Variants in KLHL1 observed in about 807,000 individuals in gnomAD.
KLHL1 encodes kelch-like protein 1.
KLHL1 carries 47 observed loss-of-function variants against 77.7 expected under a neutral mutation model. The ratio of observed to expected loss-of-function variants is 0.60; its 90% CI spans 0.48 to 0.77. The LOEUF is 0.77. Ranked by LOEUF, KLHL1 falls within the 30% of genes least tolerant of loss-of-function variation. The pLI is 0.00. For missense variants in KLHL1, 925 were observed against 910.8 expected (o/e 1.02, Z -0.20); for synonymous variants, 360 against 325.2 (o/e 1.11, Z -1.15).
chr13:69,869,466 A>T (rs2138171152), intron 5 of KLHL1, among the ~76,000 whole-genome samples: 1 of 152,304 alleles, frequency 6.6e-6, no homozygotes, highest in African/African-American at 2.4e-5. Context: ...AATATTTATG[A>T]CCACATTCTA....
chr13:69,878,906 G>A (rs1205938537), intron 5 of KLHL1, among the ~76,000 whole-genome samples: 1 of 152,118 alleles, frequency 6.6e-6, no homozygotes, highest in Non-Finnish European at 1.5e-5. Context: ...ACACACCATG[G>A]AATACTATGC....
intron 4 of KLHL1, among the ~76,000 whole-genome samples, chr13:69,911,497 A>C (rs1008964301): frequency 6.6e-6 from 1 of 151,914 alleles, no homozygotes; most frequent in African/African-American, 2.4e-5. Context: ...CTCTTTACAA[A>C]TATTCAGTAC....
chr13:69,995,482 A>C (rs936106133), intron 1 of KLHL1, among the ~76,000 whole-genome samples: 1 of 152,124 alleles, frequency 6.6e-6, no homozygotes, highest in African/African-American at 2.4e-5. Flanking sequence ...AAGTTATTTT[A>C]TTTAAATTAG....
intron 5 of KLHL1, among the ~76,000 whole-genome samples, chr13:69,857,548 G>A (rs1879967933): frequency 6.6e-6 from 1 of 151,942 alleles, no homozygotes; most frequent in East Asian, 1.9e-4. Context: ...ATACTCACAA[G>A]AATATGTATT....
chr13:70,042,615 A>G (rs977331583), intron 1 of KLHL1, among the ~76,000 whole-genome samples: 12 of 152,338 alleles, frequency 7.9e-5, no homozygotes, highest in African/African-American at 2.6e-4. Flanking sequence ...AATTCATACA[A>G]TTATCAAGTA....
chr13:69,913,507 C>T (rs1882312081), intron 4 of KLHL1, among the ~76,000 whole-genome samples: 1 of 152,236 alleles, frequency 6.6e-6, no homozygotes, highest in Non-Finnish European at 1.5e-5. Flanking sequence ...CTGCCTGAAC[C>T]TGCTGCTTCC....
chr13:69,712,889 C>T (rs1281641730), intron 9 of KLHL1, among the ~76,000 whole-genome samples: 6 of 151,586 alleles, frequency 4.0e-5, no homozygotes, highest in Non-Finnish European at 4.4e-5. Flanking sequence ...AGATCTTGAG[C>T]ACCACAATCT....
At chr13:69,811,826 A>G (rs1346010515) in intron 6 of KLHL1, among the ~76,000 whole-genome samples, 1 of 152,078 alleles carries the variant, frequency 6.6e-6, no homozygotes, top group Non-Finnish European at 1.5e-5. Context: ...GCAGTCCATC[A>G]GTTTTGTTGA....
rs1190940207 is a variant in KLHL1, at chr13:70,107,338, T to C, written c.362A>G (p.Tyr121Cys). The stretch of plus-strand genomic sequence containing the variant: ...CACCTCCTCCTCTAGTGACTCCACG[T>C]AGAAGAGAGTCCTGGCTGGCTGCTG... ...GTQQPARTLF[Y>C]VESLEEEVVP... is the part of the protein sequence containing the mutation. The change falls in exon 1 of 11, where the codon TAC (tyrosine) becomes TGC (cysteine). Residue 121 changes from tyrosine to cysteine, a missense_variant. Tyr to Cys is a radical substitution (Grantham distance 194, BLOSUM62 -2). Transcript: ENST00000377844. The C allele has an allele frequency of 1.1e-5, 18 of 1,613,992 alleles. No individual in the cohort carries two copies. The highest frequency in any genetic ancestry group is 1.5e-5 in the Non-Finnish European group (18 of 1,180,016).
intron 1 of KLHL1, among the ~76,000 whole-genome samples, chr13:69,985,493 A>T (rs1232167323): frequency 1.3e-5 from 2 of 151,792 alleles, no homozygotes; most frequent in African/African-American, 4.8e-5. Context: ...AAAATATATA[A>T]AAAATACTGG....
intron 1 of KLHL1, among the ~76,000 whole-genome samples, chr13:69,987,276 A>G (rs983860641): frequency 1.3e-5 from 2 of 152,060 alleles, no homozygotes; most frequent in Non-Finnish European, 2.9e-5. Flanking sequence ...TTTTTAAAAC[A>G]GAAACTCTGA....
rs199930468 is a variant in KLHL1 at position 69,780,692 on chromosome 13, ATATATATATG to A, written c.1639+16036_1639+16045del. Reference sequence around the variant, plus strand: ...CTCTGAATTCTCTTTCTTCATATATATATATATATGTATATATATATATGTATATATATAT... The same window carrying A: ...CTCTGAATTCTCTTTCTTCATATATATATATATATATATGTATATATATAT... On this transcript the variant is annotated intron_variant, in intron 7 of 10. Transcript: ENST00000377844. Among the ~76,000 whole-genome samples, 91 of 9,856 alleles carry A rather than the reference ATATATATATG, an allele frequency of 9.2e-3. 6 individuals are homozygous for A. The highest frequency in any genetic ancestry group is 0.038 in the East Asian group (9 of 236). 6.5% of individuals were successfully genotyped at this position (9,856 alleles called of 152,430 possible).
rs571369630 is a variant in KLHL1 at position 69,858,319 on chromosome 13, T to C, written c.1228-19157A>G. Reference sequence around the variant, plus strand: ...CTTGAGAGAGGAGAGATAGACCTAATAAGGACTTTGAACTTCCAGTTTAAT... The same window carrying C: ...CTTGAGAGAGGAGAGATAGACCTAACAAGGACTTTGAACTTCCAGTTTAAT... On this transcript the variant is annotated intron_variant, in intron 5 of 10. Coordinates refer to ENST00000377844, the MANE Select transcript of KLHL1 (RefSeq NM_020866.3). Among the ~76,000 whole-genome samples the C allele has an allele frequency of 5.3e-5, 8 of 152,206 alleles. No homozygotes were observed. The East Asian group carries it at 1.5e-3, about 29-fold the overall frequency.
chr13:70,011,070 A>T (rs969667450), intron 1 of KLHL1, among the ~76,000 whole-genome samples: 2 of 152,126 alleles, frequency 1.3e-5, no homozygotes, highest in Non-Finnish European at 2.9e-5. Context: ...TTAAGCTATC[A>T]GTTTTAATTG....
chr13:69,970,178 C>G (rs975857463), intron 2 of KLHL1, among the ~76,000 whole-genome samples: 1 of 152,124 alleles, frequency 6.6e-6, no homozygotes, highest in Admixed American at 6.6e-5. Context: ...GCCTTAATTA[C>G]TATTTTTACG....
chr13:69,802,570 T>C (rs554624620), intron 6 of KLHL1, among the ~76,000 whole-genome samples: 7 of 152,238 alleles, frequency 4.6e-5, no homozygotes, highest in Admixed American at 4.6e-4. Flanking sequence ...GATCGACCCC[T>C]GACCTAATCA....
intron 1 of KLHL1, among the ~76,000 whole-genome samples, chr13:70,023,913 T>A (rs1885866732): frequency 6.6e-6 from 1 of 151,936 alleles, no homozygotes; most frequent in Non-Finnish European, 1.5e-5. Context: ...GTTTAGTAAC[T>A]TACTAAAGGG....
chr13:69,930,471 G>C (rs1418210851), intron 4 of KLHL1, among the ~76,000 whole-genome samples: 1 of 151,746 alleles, frequency 6.6e-6, no homozygotes, highest in African/African-American at 2.4e-5. Flanking sequence ...AGATTTTCAA[G>C]TTTTCAATAT....
Position 69,700,712 on chromosome 13 carries a change from A to T in KLHL1, c.*990T>A, listed in dbSNP as rs1875351203. 6.6e-6 allele frequency: 1 copy of T among 152,442 alleles called. No homozygotes were observed. Among genetic ancestry groups the T allele is most frequent in the Non-Finnish European group, 1.5e-5 (1 of 67,898 alleles). The allele number at this position is 152,442 out of a possible 1,614,324, so 9.4% of individuals were successfully genotyped here. A position where few individuals can be genotyped will look rare whatever the true frequency, so the allele number is the denominator to read the frequency against. On this transcript the variant is annotated 3_prime_UTR_variant, in exon 11 of 11. Coordinates refer to ENST00000377844, the MANE Select transcript of KLHL1 (RefSeq NM_020866.3). ...AACAATTACAAACATGTGGCTTAAA[A>T]TAATGTACAGATCAATGTAACAAGT...
Sources: allele counts gnomAD v4.1 joint callset (sites outside exome capture counted in the v4.1 genomes callset), GRCh38; gene constraint gnomAD v4.1.1; transcripts MANE v1.5; gene names NCBI Gene and HGNC (gene_info 2026-07-23, HGNC 2026-07-21).